The following GABBR2 variants were observed in gnomAD, a reference collection of about 807,000 sequenced individuals.
The protein encoded by GABBR2 is gamma-aminobutyric acid type B receptor subunit 2, also known as G-protein coupled receptor 51.
Under a neutral mutation model 105.6 loss-of-function variants are expected in GABBR2, and 23 were observed. The ratio of observed to expected loss-of-function variants is 0.22; its 90% CI spans 0.16 to 0.31. The LOEUF (loss-of-function observed/expected upper bound fraction) is 0.31, where lower values mean the gene tolerates loss of function less well. Among genes scored for constraint, GABBR2 ranks in the 10% least tolerant of loss-of-function variants. GABBR2 has a pLI of 1.00. For missense variants in GABBR2, 734 were observed against 1,245.5 expected (o/e 0.59, Z 6.18); for synonymous variants, 478 against 499.7 (o/e 0.96, Z 0.58).
chr9:98,506,636 C>A (rs955673896), intron 3 of GABBR2, among the ~76,000 whole-genome samples: 4 of 152,204 alleles, frequency 2.6e-5, no homozygotes, highest in Non-Finnish European at 4.4e-5. Context: ...AGCTGTGGTG[C>A]TCTGGGGGCA....
intron 1 of GABBR2, among the ~76,000 whole-genome samples, chr9:98,689,767 C>A (rs1045030734): frequency 6.6e-6 from 1 of 152,224 alleles, no homozygotes; most frequent in African/African-American, 2.4e-5. Context: ...ATATACCATA[C>A]AAAGATCTGA....
chr9:98,443,796 C>T (rs1227203200), intron 7 of GABBR2, among the ~76,000 whole-genome samples: 1 of 152,174 alleles, frequency 6.6e-6, no homozygotes. Flanking sequence ...ACAAATAATC[C>T]AGTGTAGAGG....
rs78424072 is a variant in GABBR2, at chr9:98,336,028, C to T, written c.1894-24823G>A. On this transcript the variant is annotated intron_variant, in intron 13 of 18. Transcript: ENST00000259455. Reference sequence around the variant, plus strand: ...GGATGATAGAATATAGATGAGAGAACGAGGAATAAGCAATGTGATGGAGAA... The same window carrying T: ...GGATGATAGAATATAGATGAGAGAATGAGGAATAAGCAATGTGATGGAGAA... 4.6e-3 allele frequency among the ~76,000 whole-genome samples: 701 copies of T among 152,102 alleles called. 6 individuals are homozygous for T. Among genetic ancestry groups the T allele is most frequent in the African/African-American group, 0.016 (672 of 41,470 alleles).
chr9:98,651,142 T>TG, intron 1 of GABBR2, among the ~76,000 whole-genome samples: 1 of 132,416 alleles, frequency 7.6e-6, no homozygotes, highest in South Asian at 2.7e-4. Flanking sequence ...CACACTGGTT[T>TG]TTTTTTTTTT....
chr9:98,339,653 G>A (rs960969853), intron 13 of GABBR2, among the ~76,000 whole-genome samples: 2 of 152,154 alleles, frequency 1.3e-5, no homozygotes, highest in Admixed American at 6.5e-5. Flanking sequence ...ATAGCCCATA[G>A]ATCTAACAAG....
chr9:98,653,341 T>C (rs1376422914), intron 1 of GABBR2, among the ~76,000 whole-genome samples: 3 of 152,200 alleles, frequency 2.0e-5, no homozygotes, highest in Non-Finnish European at 4.4e-5. Context: ...GGAGCACAGC[T>C]ATACAGACAA....
chr9:98,535,820 G>A (rs1828167378), intron 3 of GABBR2, among the ~76,000 whole-genome samples: 2 of 152,158 alleles, frequency 1.3e-5, no homozygotes, highest in Non-Finnish European at 2.9e-5. Context: ...ACGACATTAT[G>A]GAAAAGGCAA....
chr9:98,292,734 C>T (rs559961734), intron 18 of GABBR2, among the ~76,000 whole-genome samples: 3 of 152,366 alleles, frequency 2.0e-5, no homozygotes, highest in African/African-American at 7.2e-5. Flanking sequence ...GGCTATCTGC[C>T]TAGGCAAGGT....
In GABBR2 at chr9:98,648,010, A is replaced by C. The variant is rs1303833990; in HGVS notation, c.321+60407T>G. Among the ~76,000 whole-genome samples, 3 of 150,848 alleles carry C rather than the reference A, an allele frequency of 2.0e-5. No individual in the cohort carries two copies. In the East Asian group the frequency reaches 5.8e-4, roughly 29 times the overall value. On this transcript the variant is annotated intron_variant, in intron 1 of 18. Coordinates refer to ENST00000259455, the MANE Select transcript of GABBR2 (RefSeq NM_005458.8). ...GACAGCAAAAGGAAAGAAACCTGCC[A>C]ACAGTCATGGCCCCTGAGAAGTGGA...
intron 3 of GABBR2, among the ~76,000 whole-genome samples, chr9:98,510,362 C>A (rs1277235289): frequency 6.6e-6 from 1 of 152,014 alleles, no homozygotes; most frequent in Non-Finnish European, 1.5e-5. Flanking sequence ...ACTGCATCAA[C>A]TAACGAGCAA....
chr9:98,624,326 T>C (rs971215640), intron 1 of GABBR2, among the ~76,000 whole-genome samples: 3 of 152,156 alleles, frequency 2.0e-5, no homozygotes, highest in Non-Finnish European at 4.4e-5. Context: ...CACCATGACC[T>C]CACAGCCTCA....
intron 13 of GABBR2, among the ~76,000 whole-genome samples, chr9:98,341,137 G>A (rs1831205937): frequency 6.6e-6 from 1 of 152,244 alleles, no homozygotes; most frequent in African/African-American, 2.4e-5. Flanking sequence ...AAGCCAACAA[G>A]GAAGATGAAA....
chr9:98,555,119 C>T (rs2259639), intron 2 of GABBR2, among the ~76,000 whole-genome samples: 37,151 of 152,180 alleles, frequency 0.24, 5,565 homozygotes, highest in East Asian at 0.48. Context: ...CAGTAGACCA[C>T]AATTTCTAGA....
At chr9:98,328,606 A>G (rs1830966265) in intron 13 of GABBR2, among the ~76,000 whole-genome samples, 1 of 152,254 alleles carries the variant, frequency 6.6e-6, no homozygotes, top group Non-Finnish European at 1.5e-5. Context: ...CAGGAGGCTG[A>G]TAAGAGAGGG....
intron 13 of GABBR2, among the ~76,000 whole-genome samples, chr9:98,332,868 G>A (rs955808432): frequency 7.2e-5 from 11 of 152,174 alleles, no homozygotes; most frequent in South Asian, 2.1e-4. Flanking sequence ...TGTCTGAATC[G>A]TGGAAGAAAA....
At chr9:98,470,262 A>G (rs1826644137) in intron 6 of GABBR2, among the ~76,000 whole-genome samples, 1 of 152,348 alleles carries the variant, frequency 6.6e-6, no homozygotes, top group South Asian at 2.1e-4. Context: ...TGCTGCTGAT[A>G]AAGACATACC....
At chr9:98,666,838 C>G (rs1474448118) in intron 1 of GABBR2, among the ~76,000 whole-genome samples, 1 of 152,182 alleles carries the variant, frequency 6.6e-6, no homozygotes, top group African/African-American at 2.4e-5. Flanking sequence ...CTTCAGGCCC[C>G]TTGTGCCAAG....
intron 2 of GABBR2, among the ~76,000 whole-genome samples, chr9:98,546,314 G>A (rs961684423): frequency 1.3e-5 from 2 of 152,182 alleles, no homozygotes; most frequent in Non-Finnish European, 2.9e-5. Flanking sequence ...AGGCTGAGAA[G>A]TTTGTTAAAC....
chr9:98,375,830 C>T (rs1427656151), intron 11 of GABBR2, among the ~76,000 whole-genome samples: 6 of 152,150 alleles, frequency 3.9e-5, no homozygotes, highest in African/African-American at 1.4e-4. Context: ...CAGGTGCCTC[C>T]CTTCTATGTG....
Sources: allele counts gnomAD v4.1 joint callset (sites outside exome capture counted in the v4.1 genomes callset), GRCh38; gene constraint gnomAD v4.1.1; transcripts MANE v1.5; gene names NCBI Gene and HGNC (gene_info 2026-07-23, HGNC 2026-07-21).